BLM: variants seen among roughly 807,000 people sequenced by gnomAD.
BLM encodes recQ-like DNA helicase BLM.
Under a neutral mutation model 135.3 loss-of-function variants are expected in BLM, and 95 were observed. The observed-to-expected ratio is 0.70, with a 90% CI of 0.59 to 0.83. The LOEUF (loss-of-function observed/expected upper bound fraction) is 0.83. Among genes scored for constraint, BLM ranks in the 40% least tolerant of loss-of-function variants. The pLI is 0.00. For missense variants in BLM, 1,518 were observed against 1,663.9 expected (o/e 0.91, Z 1.53); for synonymous variants, 520 against 589.2 (o/e 0.88, Z 1.70).
At chr15:90,809,479 G>A (rs1264898612) in intron 20 of BLM, among the ~76,000 whole-genome samples, 1 of 152,102 alleles carries the variant, frequency 6.6e-6, no homozygotes, top group Non-Finnish European at 1.5e-5. Flanking sequence ...TCCAAAAGGG[G>A]ACCTTTGGGC....
intron 19 of BLM, among the ~76,000 whole-genome samples, chr15:90,806,620 A>G (rs1248252219): frequency 6.6e-6 from 1 of 152,206 alleles, no homozygotes; most frequent in Non-Finnish European, 1.5e-5. Context: ...TCTTTAGTTA[A>G]TAAATACTTA....
intron 5 of BLM, among the ~76,000 whole-genome samples, chr15:90,757,676 C>T (rs1895855077): frequency 6.6e-6 from 1 of 152,114 alleles, no homozygotes; most frequent in Admixed American, 6.5e-5. Flanking sequence ...GGCTTGTAAA[C>T]CATTTAACTG....
intron 1 of BLM, among the ~76,000 whole-genome samples, chr15:90,719,811 A>T (rs910753000): frequency 1.3e-5 from 2 of 152,192 alleles, no homozygotes; most frequent in Non-Finnish European, 2.9e-5. Flanking sequence ...GGTCCAAGAT[A>T]ATCGTAGAAT....
At chr15:90,775,415 C>T (rs1270804216) in intron 12 of BLM, among the ~76,000 whole-genome samples, 1 of 150,904 alleles carries the variant, frequency 6.6e-6, no homozygotes, top group African/African-American at 2.4e-5. Flanking sequence ...TCCTGGAAAA[C>T]TATGTACCTC....
In BLM at chr15:90,798,292, C is replaced by T. The variant is rs369142038; in HGVS notation, c.3313C>T (p.Pro1105Ser). The T allele has an allele frequency of 6.2e-7, 1 of 1,612,734 alleles. No individual in the cohort carries two copies. The highest frequency in any genetic ancestry group is 1.7e-5 in the Admixed American group (1 of 59,918). The change falls in exon 17 of 22, where the codon CCT becomes TCT. Residue 1105 changes from proline to serine, a missense_variant. Physicochemically the swap from Pro to Ser is moderately conservative, Grantham distance 74. Coordinates refer to ENST00000355112, the MANE Select transcript of BLM (RefSeq NM_000057.4). ...QGMRNIKHVG[P>S]SGRFTMNMLV... Reference sequence around the variant, plus strand: ...AATGAGAAATATAAAACATGTAGGTCCTTCTGGAAGATTTACTATGAATAT... The same window carrying T: ...AATGAGAAATATAAAACATGTAGGTTCTTCTGGAAGATTTACTATGAATAT...
intron 1 of BLM, among the ~76,000 whole-genome samples, chr15:90,721,722 G>A (rs1304364984): frequency 6.6e-6 from 1 of 151,592 alleles, no homozygotes; most frequent in African/African-American, 2.4e-5. Flanking sequence ...CATGAGGTCA[G>A]GAGTTCGAGA....
At position 90,809,264 on chromosome 15, in the gene BLM, G is replaced by C; in HGVS notation, c.3874+5G>C. 1 of 1,614,184 alleles carries C rather than the reference G, an allele frequency of 6.2e-7. No homozygotes were observed. The highest frequency in any genetic ancestry group is 8.5e-7 in the Non-Finnish European group (1 of 1,180,026). On this transcript the variant is annotated splice_donor_5th_base_variant and intron_variant, in intron 20 of 21. Coordinates refer to ENST00000355112, the MANE Select transcript of BLM (RefSeq NM_000057.4). Reference sequence around the variant, plus strand: ...ACTCTGAATGGACATCGCCAGGTTAGTACACAGCCATGTGTGTTCTCTAAA... The same window carrying C: ...ACTCTGAATGGACATCGCCAGGTTACTACACAGCCATGTGTGTTCTCTAAA...
At chr15:90,780,301 T>C (rs1896587666) in intron 12 of BLM, among the ~76,000 whole-genome samples, 3 of 152,130 alleles carry the variant, frequency 2.0e-5, no homozygotes, top group Non-Finnish European at 4.4e-5. Flanking sequence ...GTTAGGCTGG[T>C]TTCAAACTCC....
chr15:90,740,396 T>C (rs1895334347), intron 1 of BLM, among the ~76,000 whole-genome samples: 2 of 152,240 alleles, frequency 1.3e-5, no homozygotes, highest in African/African-American at 4.8e-5. Context: ...GTCATTACTG[T>C]AGCATTTATC....
intron 5 of BLM, among the ~76,000 whole-genome samples, chr15:90,759,142 C>G (rs1218471628): frequency 6.6e-6 from 1 of 152,096 alleles, no homozygotes; most frequent in Non-Finnish European, 1.5e-5. Context: ...CAGTTATGAG[C>G]TCTTATGATA....
At chr15:90,804,058 G>A in intron 18 of BLM, 109 bp from the exon 19 acceptor site, 1 of 1,056,268 alleles carries the variant, frequency 9.5e-7, no homozygotes, top group Non-Finnish European at 1.4e-6. Flanking sequence ...CTATCTGCAT[G>A]ACAGAATAGA....
Position 90,785,072 on chromosome 15 carries a change from T to A in BLM, c.2814T>A (p.Asp938Glu). 1.2e-6 allele frequency: 2 copies of A among 1,614,178 alleles called. No homozygotes were observed. The highest frequency in any genetic ancestry group is 8.5e-7 in the Non-Finnish European group (1 of 1,180,030). The change falls in exon 14 of 22, where the codon GAT becomes GAA. Residue 938 changes from aspartate (D) to glutamate (E), a missense_variant. Asp to Glu is a conservative substitution (Grantham distance 45). Around this residue, in one of 5 missense-constraint regions of BLM, gnomAD observed 626 missense variants for 681.1 expected, o/e 0.92. Coordinates refer to ENST00000355112, the MANE Select transcript of BLM (RefSeq NM_000057.4). The part of the protein sequence containing the change: ...DEVQQKWINQ[D>E]GCQVICATIA... ...TGCAGCAGAAGTGGATTAATCAGGA[T>A]GGCTGTCAGGTAACATTTTTAAAGA...
chr15:90,724,676 C>G (rs1249016588), intron 1 of BLM, among the ~76,000 whole-genome samples: 1 of 152,138 alleles, frequency 6.6e-6, no homozygotes, highest in African/African-American at 2.4e-5. Flanking sequence ...TCAGAAGCAG[C>G]CAGCTGGAAG....
At chr15:90,722,345 A>C (rs1007743777) in intron 1 of BLM, among the ~76,000 whole-genome samples, 11 of 151,964 alleles carry the variant, frequency 7.2e-5, no homozygotes, top group Admixed American at 4.6e-4. Flanking sequence ...TCCTGACCTC[A>C]TGATCCACCC....
chr15:90,763,575 G>A (rs1325502342), intron 8 of BLM, among the ~76,000 whole-genome samples: 1 of 152,154 alleles, frequency 6.6e-6, no homozygotes, highest in Non-Finnish European at 1.5e-5. Context: ...TGGACCAAAG[G>A]CCTGGACTTA....
At chr15:90,731,241 CT>C (rs1430847838) in intron 1 of BLM, among the ~76,000 whole-genome samples, 2 of 152,078 alleles carry the variant, frequency 1.3e-5, no homozygotes, top group Admixed American at 6.6e-5. Flanking sequence ...GCCCGTGGCT[CT>C]TGGTGTATTT....
At chr15:90,777,171 G>C (rs528138064) in intron 12 of BLM, among the ~76,000 whole-genome samples, 51 of 151,406 alleles carry the variant, frequency 3.4e-4, no homozygotes, top group African/African-American at 1.1e-3. Flanking sequence ...TTTTTTGAGG[G>C]GGGTGGGGGG....
chr15:90,773,407 G>A (rs1376417799), intron 12 of BLM, among the ~76,000 whole-genome samples: 6 of 151,492 alleles, frequency 4.0e-5, no homozygotes, highest in Admixed American at 2.7e-4. Context: ...GTGATAGAGC[G>A]AGACTCCATC....
chr15:90,757,062 T>C (rs955638811), intron 5 of BLM, among the ~76,000 whole-genome samples: 5 of 152,162 alleles, frequency 3.3e-5, no homozygotes, highest in Non-Finnish European at 5.9e-5. Flanking sequence ...AAAAAGGAAA[T>C]ACATTAAGAC....
Sources: allele counts gnomAD v4.1 joint callset (sites outside exome capture counted in the v4.1 genomes callset), GRCh38; gene constraint gnomAD v4.1.1; regional missense constraint gnomAD v4.1.1; transcripts MANE v1.5; gene names NCBI Gene and HGNC (gene_info 2026-07-23, HGNC 2026-07-21).